The following PRKG1 variants were observed in gnomAD, a reference collection of about 807,000 sequenced individuals.
PRKG1 encodes the protein cGMP-dependent protein kinase 1.
A neutral mutation model predicts 88.1 loss-of-function variants in PRKG1; 35 were observed. That is an observed-to-expected ratio of 0.40 (90% CI 0.30 to 0.53). The LOEUF (loss-of-function observed/expected upper bound fraction) is 0.53, where lower values mean the gene tolerates loss of function less well. Ranked by LOEUF, PRKG1 falls within the 20% of genes least tolerant of loss-of-function variation. The pLI, the probability that PRKG1 is intolerant of heterozygous loss-of-function variation, is 0.59. For synonymous variants in PRKG1, 303 were observed against 292.5 expected, an observed-to-expected ratio of 1.04 and a Z score of -0.37; for missense variants, 540 against 839.8, an observed-to-expected ratio of 0.64 and a Z score of 4.41.
chr10:51,872,194 A>G (rs1841175240), intron 4 of PRKG1, among the ~76,000 whole-genome samples: 1 of 152,220 alleles, frequency 6.6e-6, no homozygotes, highest in Admixed American at 6.5e-5. Flanking sequence ...AAAGGCAATC[A>G]GGACTATCAG....
At chr10:51,232,781 T>C (rs937397339) in intron 2 of PRKG1, among the ~76,000 whole-genome samples, 1 of 152,160 alleles carries the variant, frequency 6.6e-6, no homozygotes, top group South Asian at 2.1e-4. Context: ...CTTTGCCTGC[T>C]TGAATCCACA....
chr10:52,128,347 C>T (rs1413546966), intron 7 of PRKG1: 12 of 985,240 alleles, frequency 1.2e-5, no homozygotes, highest in African/African-American at 1.7e-5. Context: ...TGGCCTCATA[C>T]ATTCTGTGTT....
At chr10:52,115,593 A>T (rs1042944190) in intron 7 of PRKG1, among the ~76,000 whole-genome samples, 4 of 152,088 alleles carry the variant, frequency 2.6e-5, no homozygotes, top group Admixed American at 2.6e-4. Flanking sequence ...ATCCACTATC[A>T]ACCCATTCCC....
intron 12 of PRKG1, 145 bp downstream of exon 12, chr10:52,272,626 A>G (rs1589750554): frequency 4.6e-6 from 3 of 651,404 alleles, no homozygotes; most frequent in African/African-American, 1.8e-5. Flanking sequence ...AGCACAGGGC[A>G]TAACCCACTA....
At chr10:51,170,800 A>C (rs1846685169) in intron 2 of PRKG1, among the ~76,000 whole-genome samples, 1 of 151,642 alleles carries the variant, frequency 6.6e-6, no homozygotes, top group South Asian at 2.1e-4. Flanking sequence ...AAACCAATTA[A>C]ATAACTGAGC....
At chr10:51,996,906 G>T (rs1365344917) in intron 5 of PRKG1, among the ~76,000 whole-genome samples, 1 of 152,100 alleles carries the variant, frequency 6.6e-6, no homozygotes, top group Non-Finnish European at 1.5e-5. Flanking sequence ...AGGGATGAAT[G>T]AAGAAAGAAA....
At chr10:51,242,660 A>G (rs1348268022) in intron 2 of PRKG1, among the ~76,000 whole-genome samples, 4 of 152,144 alleles carry the variant, frequency 2.6e-5, no homozygotes, top group Admixed American at 6.6e-5. Flanking sequence ...TGCAATTGCT[A>G]TGTTGATCTT....
At chr10:52,133,068 C>A (rs1447531514) in intron 7 of PRKG1, among the ~76,000 whole-genome samples, 1 of 151,848 alleles carries the variant, frequency 6.6e-6, no homozygotes, top group African/African-American at 2.4e-5. Flanking sequence ...TTTTTGTACC[C>A]GTTAACCATG....
chr10:51,652,920 C>T (rs374818677), intron 3 of PRKG1, among the ~76,000 whole-genome samples: 45 of 152,230 alleles, frequency 3.0e-4, no homozygotes, highest in Non-Finnish European at 5.0e-4. Context: ...TCTGTTTCTA[C>T]GAATTCAACA....
chr10:51,108,268 G>A (rs1485061279), intron 1 of PRKG1, among the ~76,000 whole-genome samples: 1 of 151,860 alleles, frequency 6.6e-6, no homozygotes, highest in Non-Finnish European at 1.5e-5. Context: ...TGAATTACCT[G>A]ATATGAGAAA....
chr10:51,690,595 T>G (rs977625504), intron 3 of PRKG1, among the ~76,000 whole-genome samples: 3 of 151,760 alleles, frequency 2.0e-5, no homozygotes, highest in Non-Finnish European at 4.4e-5. Flanking sequence ...AATCAGAGAG[T>G]CAGAGGTTGG....
intron 4 of PRKG1, among the ~76,000 whole-genome samples, chr10:51,859,468 TA>T (rs1200505753): frequency 2.0e-5 from 3 of 146,714 alleles, no homozygotes; most frequent in South Asian, 2.1e-4. Flanking sequence ...AAGACATACT[TA>T]AAAAAAAATA....
intron 2 of PRKG1, among the ~76,000 whole-genome samples, chr10:51,374,093 A>AAAAT: frequency 0.016 from 1,591 of 100,242 alleles, 67 homozygotes; most frequent in Middle Eastern, 0.025. Flanking sequence ...AAAAAAAAAA[A>AAAAT]ATATATATAT....
intron 3 of PRKG1, among the ~76,000 whole-genome samples, chr10:51,626,948 A>G (rs1839352267): frequency 6.6e-6 from 1 of 152,124 alleles, no homozygotes; most frequent in South Asian, 2.1e-4. Context: ...CAACCAGCCA[A>G]TGTTTATGAA....
chr10:51,596,257 T>G (rs1168256234), intron 3 of PRKG1, among the ~76,000 whole-genome samples: 1 of 152,198 alleles, frequency 6.6e-6, no homozygotes, highest in East Asian at 1.9e-4. Context: ...AGGTTGGTAG[T>G]CAAAAAATAA....
chr10:51,715,874 G>A (rs1182723371), intron 3 of PRKG1, among the ~76,000 whole-genome samples: 1 of 152,216 alleles, frequency 6.6e-6, no homozygotes, highest in Admixed American at 6.5e-5. Context: ...ATATGTGATT[G>A]TGTGAACTTT....
At chr10:51,026,339 G>A (rs1473542266) in intron 1 of PRKG1, among the ~76,000 whole-genome samples, 1 of 152,188 alleles carries the variant, frequency 6.6e-6, no homozygotes, top group Non-Finnish European at 1.5e-5. Context: ...CTCATGGGGA[G>A]AAATGGAACA....
At chr10:51,654,075 G>C (rs1485666397) in intron 3 of PRKG1, among the ~76,000 whole-genome samples, 1 of 151,098 alleles carries the variant, frequency 6.6e-6, no homozygotes, top group Non-Finnish European at 1.5e-5. Flanking sequence ...CTGCTTTTCG[G>C]GTCATATTAA....
intron 2 of PRKG1, among the ~76,000 whole-genome samples, chr10:51,186,055 T>C (rs1034401105): frequency 2.0e-5 from 3 of 151,974 alleles, no homozygotes; most frequent in African/African-American, 7.2e-5. Context: ...TATGCATGTT[T>C]TGCTTGAGTA....
Sources: gnomAD v4.1 joint callset for allele counts (sites outside exome capture counted in the v4.1 genomes callset) on GRCh38, gnomAD v4.1.1 for gene constraint, MANE v1.5 for transcripts, NCBI Gene and HGNC (gene_info 2026-07-23, HGNC 2026-07-21) for gene names.